PDE1A: variants seen among roughly 807,000 people sequenced by gnomAD.
PDE1A encodes the protein dual specificity calcium/calmodulin-dependent 3',5'-cyclic nucleotide phosphodiesterase 1A.
In PDE1A, 35 loss-of-function variants were observed where a neutral mutation model predicts 61.7. The observed-to-expected ratio is 0.57, with a 90% CI of 0.43 to 0.75. The LOEUF (loss-of-function observed/expected upper bound fraction) is 0.75. PDE1A is among the 30% of genes least tolerant of loss of function. The pLI, the probability that PDE1A is intolerant of heterozygous loss-of-function variation, is 0.00. For missense variants in PDE1A, 597 were observed against 630.6 expected (o/e 0.95, Z 0.57); for synonymous variants, 232 against 213.2 (o/e 1.09, Z -0.77).
At chr2:182,390,267 T>G (rs932470385) in intron 1 of PDE1A, among the ~76,000 whole-genome samples, 1 of 152,184 alleles carries the variant, frequency 6.6e-6, no homozygotes, top group African/African-American at 2.4e-5. Flanking sequence ...GGAGTTGGCT[T>G]CTTAATCTGA....
chr2:182,446,955 T>C (rs1195037897), intron 2 of PDE1A, among the ~76,000 whole-genome samples: 2 of 150,262 alleles, frequency 1.3e-5, no homozygotes, highest in African/African-American at 2.4e-5. Context: ...TATATATATA[T>C]AGACCACATA....
At chr2:182,664,044 A>G in the PDE1A span, among the ~76,000 whole-genome samples, 1 of 152,186 alleles carries the variant, frequency 6.6e-6, no homozygotes, top group Admixed American at 6.5e-5. Context: ...AAAACAGTCC[A>G]AAAGAATAAT....
chr2:182,713,734 C>T, the PDE1A span, among the ~76,000 whole-genome samples: 1 of 152,128 alleles, frequency 6.6e-6, no homozygotes, highest in Non-Finnish European at 1.5e-5. Context: ...TCTTTTTTGG[C>T]TTCTACTCAG....
chr2:182,259,443 G>A (rs1321982664), intron 2 of PDE1A, among the ~76,000 whole-genome samples: 1 of 152,000 alleles, frequency 6.6e-6, no homozygotes, highest in African/African-American at 2.4e-5. Flanking sequence ...TTACTCATAC[G>A]TAATAAATAA....
the PDE1A span, among the ~76,000 whole-genome samples, chr2:182,635,812 G>T: frequency 6.6e-6 from 1 of 151,760 alleles, no homozygotes; most frequent in African/African-American, 2.4e-5. Context: ...AATAAAAATT[G>T]TACATATTTA....
At chr2:182,147,046 T>A (rs1278301112) in exon 14 of PDE1A, 3 of 1,413,570 alleles carry the variant, frequency 2.1e-6, no homozygotes, top group African/African-American at 2.9e-5. Context: ...CTCTCATGTT[T>A]AAAATGACAG....
chr2:182,305,267 G>C (rs889215981), intron 1 of PDE1A, among the ~76,000 whole-genome samples: 5 of 151,930 alleles, frequency 3.3e-5, no homozygotes, highest in South Asian at 4.2e-4. Flanking sequence ...CTAATCTCCA[G>C]GTACCTCAAC....
chr2:182,550,720 GATCA>G, the PDE1A span, among the ~76,000 whole-genome samples: 83 of 152,250 alleles, frequency 5.5e-4, no homozygotes, highest in African/African-American at 1.9e-3. Context: ...CCAGGTAAAA[GATCA>G]ATGAGTGTGT....
At chr2:182,681,968 GAA>G in the PDE1A span, among the ~76,000 whole-genome samples, 80 of 152,162 alleles carry the variant, frequency 5.3e-4, no homozygotes, top group Non-Finnish European at 8.8e-4. Flanking sequence ...TTGATTATAA[GAA>G]AGGCTGTTCT....
chr2:182,294,020 C>T (rs1694711040), intron 1 of PDE1A, among the ~76,000 whole-genome samples: 1 of 152,160 alleles, frequency 6.6e-6, no homozygotes, highest in Non-Finnish European at 1.5e-5. Flanking sequence ...GGGTAAGTAG[C>T]ATATATAGCA....
chr2:182,231,742 C>G (rs1465821383), intron 4 of PDE1A, among the ~76,000 whole-genome samples: 2 of 151,934 alleles, frequency 1.3e-5, no homozygotes, highest in Non-Finnish European at 2.9e-5. Context: ...AGTGAAACCC[C>G]ATCTCTACAA....
At chr2:182,318,478 C>T (rs1020628981) in intron 1 of PDE1A, among the ~76,000 whole-genome samples, 1 of 152,128 alleles carries the variant, frequency 6.6e-6, no homozygotes, top group Admixed American at 6.6e-5. Context: ...ATGTTATACA[C>T]ATAAGTCCAT....
the PDE1A span, among the ~76,000 whole-genome samples, chr2:182,686,668 G>T: frequency 2.0e-5 from 3 of 152,222 alleles, no homozygotes; most frequent in East Asian, 5.8e-4. Context: ...ACTGGGGCTT[G>T]TCGGACAGTG....
At chr2:182,242,926 C>CTCTCTCAT (rs1553550717) in intron 2 of PDE1A, among the ~76,000 whole-genome samples, 1 of 31,786 alleles carries the variant, frequency 3.1e-5, no homozygotes, top group Non-Finnish European at 6.2e-5. Flanking sequence ...CTCTCTCTCT[C>CTCTCTCAT]GTGTGTGTAT....
chr2:182,699,185 G>C, the PDE1A span, among the ~76,000 whole-genome samples: 1 of 152,176 alleles, frequency 6.6e-6, no homozygotes, highest in African/African-American at 2.4e-5. Flanking sequence ...AACCAGGGTA[G>C]GAATTGTTTT....
chr2:182,172,943 C>A (rs16822799), intron 13 of PDE1A, among the ~76,000 whole-genome samples: 21,645 of 151,890 alleles, frequency 0.14, 2,021 homozygotes, highest in East Asian at 0.31. Context: ...GAGTAGAGAG[C>A]AAACATTCCA....
chr2:182,218,435 C>G (rs1574753870), intron 7 of PDE1A, among the ~76,000 whole-genome samples: 1 of 146,440 alleles, frequency 6.8e-6, no homozygotes, highest in Non-Finnish European at 1.5e-5. Flanking sequence ...ATTAAAAAAA[C>G]AAGAAAAAAA....
the PDE1A span, among the ~76,000 whole-genome samples, chr2:182,589,681 T>G: frequency 3.9e-5 from 6 of 152,354 alleles, no homozygotes; most frequent in Middle Eastern, 3.4e-3. Flanking sequence ...AAGAAATTTG[T>G]ATCTATCTAA....
Position 182,513,421 on chromosome 2 carries a change from A to G in PDE1A, c.101+8855T>C, listed in dbSNP as rs568026096. ...TGCTAAGGGAATTTGTTACCACCAT[A>G]CCTGCTTTACAAGAGGTCCTTAAGG... On this transcript the variant is annotated intron_variant, in intron 2 of 14. Transcript: ENST00000410103. Among the ~76,000 whole-genome samples, 200 of 152,328 alleles carry G rather than the reference A, an allele frequency of 1.3e-3. 1 individual carries two copies. Among genetic ancestry groups the G allele is most frequent in the African/African-American group, 4.5e-3 (185 of 41,568 alleles).
Sources: gnomAD v4.1 joint callset for allele counts (sites outside exome capture counted in the v4.1 genomes callset) on GRCh38, gnomAD v4.1.1 for gene constraint, MANE v1.5 for transcripts, NCBI Gene and HGNC (gene_info 2026-07-23, HGNC 2026-07-21) for gene names.